EPSTI1: variants seen among roughly 807,000 people sequenced by gnomAD.
EPSTI1 encodes the protein epithelial stromal interaction 1, also known as epithelial-stromal interaction protein 1.
EPSTI1 carries 66 observed loss-of-function variants against 49.9 expected under a neutral mutation model. The ratio of observed to expected loss-of-function variants is 1.32; its 90% confidence interval spans 1.08 to 1.62. EPSTI1 has a LOEUF of 1.62. Among genes scored for constraint, EPSTI1 ranks in the 40% most tolerant of loss-of-function variants. The pLI, the probability that EPSTI1 is intolerant of heterozygous loss-of-function variation, is 0.00. For missense variants in EPSTI1, 394 were observed against 365.5 expected (o/e 1.08, Z -0.64); for synonymous variants, 137 against 130.7 (o/e 1.05, Z -0.33).
chr13:42,938,608 A>G (rs2038642270), intron 6 of EPSTI1, among the ~76,000 whole-genome samples: 1 of 152,034 alleles, frequency 6.6e-6, no homozygotes, highest in Non-Finnish European at 1.5e-5. Flanking sequence ...AGGCCGTTTC[A>G]TCTACATTAA....
intron 5 of EPSTI1, among the ~76,000 whole-genome samples, chr13:42,960,330 T>C (rs1404095220): frequency 6.6e-6 from 1 of 152,056 alleles, no homozygotes; most frequent in Non-Finnish European, 1.5e-5. Context: ...GGGGGGAAAA[T>C]GTGATTTACT....
At chr13:42,941,139 C>G (rs932173872) in intron 6 of EPSTI1, among the ~76,000 whole-genome samples, 4 of 152,168 alleles carry the variant, frequency 2.6e-5, no homozygotes, top group South Asian at 4.1e-4. Flanking sequence ...TTTCTACCCT[C>G]AAAGTATAAA....
intron 1 of EPSTI1, among the ~76,000 whole-genome samples, chr13:42,974,106 C>T (rs1161402785): frequency 2.0e-5 from 3 of 151,786 alleles, no homozygotes; most frequent in African/African-American, 4.8e-5. Flanking sequence ...GGGGCTGAGG[C>T]GGGTGGATCA....
At chr13:42,928,979 G>T (rs570860442) in intron 6 of EPSTI1, among the ~76,000 whole-genome samples, 1 of 152,262 alleles carries the variant, frequency 6.6e-6, no homozygotes, top group East Asian at 1.9e-4. Context: ...TATCAGTTTT[G>T]GTTCCTAAAT....
intron 4 of EPSTI1, 78 bp downstream of exon 4, chr13:42,963,988 G>C: frequency 7.9e-7 from 1 of 1,268,046 alleles, no homozygotes; most frequent in South Asian, 1.4e-5. Context: ...TAAAGTTACT[G>C]TGTTATTTCA....
At chr13:42,921,564 T>C (rs1424134237) in intron 7 of EPSTI1, among the ~76,000 whole-genome samples, 2 of 152,128 alleles carry the variant, frequency 1.3e-5, no homozygotes, top group African/African-American at 2.4e-5. Flanking sequence ...GAACCCAACA[T>C]GGGAAGGCAA....
rs145681351 is a variant in EPSTI1 at position 42,910,683 on chromosome 13, G to C, written c.741+6858C>G. On this transcript the variant is annotated intron_variant, in intron 8 of 10. Transcript: ENST00000313624. ...AATTAGAAAAGCTCTTTTATTTTTA[G>C]TTTTATCAAGTTGGTTAAAAAATAT... 2.0e-5 allele frequency among the ~76,000 whole-genome samples: 3 copies of C among 152,174 alleles called. No homozygotes were observed. The East Asian group carries it at 5.8e-4, about 29-fold the overall frequency.
At chr13:42,946,259 C>T (rs947418139) in intron 6 of EPSTI1, among the ~76,000 whole-genome samples, 1 of 152,152 alleles carries the variant, frequency 6.6e-6, no homozygotes, top group Non-Finnish European at 1.5e-5. Flanking sequence ...AAAGAAGATG[C>T]ATGGTTTCAA....
At chr13:42,939,643 C>G (rs2038687649) in intron 6 of EPSTI1, among the ~76,000 whole-genome samples, 1 of 151,980 alleles carries the variant, frequency 6.6e-6, no homozygotes. Flanking sequence ...TGTGGGTCCC[C>G]AAAACAATTA....
chr13:42,968,941 C>CAA (rs2039693326), intron 3 of EPSTI1, among the ~76,000 whole-genome samples, 153 bp downstream of exon 3: 1 of 130,160 alleles, frequency 7.7e-6, no homozygotes, highest in Non-Finnish European at 1.6e-5. Context: ...CACACACACA[C>CAA]ACACACACAC....
At chr13:42,986,905 G>T (rs1457936606) in intron 1 of EPSTI1, among the ~76,000 whole-genome samples, 1 of 152,046 alleles carries the variant, frequency 6.6e-6, no homozygotes. Flanking sequence ...AGGTTTGGGG[G>T]TCTTCCAGGT....
chr13:42,989,567 CTT>C, intron 1 of EPSTI1, among the ~76,000 whole-genome samples: 3 of 79,000 alleles, frequency 3.8e-5, no homozygotes, highest in Non-Finnish European at 5.0e-5. Context: ...CCTCTTTTTT[CTT>C]TTTTTTTTTT....
chr13:42,895,154 G>T, intron 9 of EPSTI1, 46 bp from the exon 10 acceptor site: 1 of 1,446,856 alleles, frequency 6.9e-7, no homozygotes, highest in African/African-American at 1.4e-5. Context: ...CTTGCTGCAG[G>T]GCTGAGAGAT....
intron 5 of EPSTI1, among the ~76,000 whole-genome samples, chr13:42,957,373 A>G (rs1249931215): frequency 6.6e-6 from 1 of 152,230 alleles, no homozygotes; most frequent in Admixed American, 6.5e-5. Flanking sequence ...ATCAGTACAA[A>G]CAATAACTAG....
In EPSTI1 at chr13:42,989,567, C is replaced by CTTTTTTTTTTTTTTTTTTTTTTTT; in HGVS notation, c.188+2410_188+2411insAAAAAAAAAAAAAAAAAAAAAAAA. ...ATTAAAGCACTTTATCCTCTTTTTTCTTTTTTTTTTTTTTTTGCTTTTTGT... is the reference window on the plus strand; with the variant it reads ...ATTAAAGCACTTTATCCTCTTTTTTCTTTTTTTTTTTTTTTTTTTTTTTTTTTTTTTTTTTTTTTTGCTTTTTGT... On this transcript the variant is annotated intron_variant, in intron 1 of 10. Transcript: ENST00000313624. Among the ~76,000 whole-genome samples, 12 of 79,002 alleles carry CTTTTTTTTTTTTTTTTTTTTTTTT rather than the reference C, an allele frequency of 1.5e-4. 2 individuals are homozygous for CTTTTTTTTTTTTTTTTTTTTTTTT. The highest frequency in any genetic ancestry group is 3.6e-4 in the East Asian group (1 of 2,786). The allele number at this position is 79,002 out of a possible 152,430, so 51.8% of individuals were successfully genotyped here.
chr13:42,977,177 C>T (rs1394111671), intron 1 of EPSTI1, among the ~76,000 whole-genome samples: 1 of 152,228 alleles, frequency 6.6e-6, no homozygotes, highest in Non-Finnish European at 1.5e-5. Context: ...TACATTTAAA[C>T]TTTTCTTCCT....
intron 1 of EPSTI1, among the ~76,000 whole-genome samples, chr13:42,980,477 T>C (rs912208701): frequency 6.6e-6 from 1 of 152,162 alleles, no homozygotes; most frequent in Non-Finnish European, 1.5e-5. Context: ...CAAAGGCACA[T>C]CTTACATGGT....
chr13:42,931,029 C>A (rs1470588634), intron 6 of EPSTI1, among the ~76,000 whole-genome samples: 1 of 152,146 alleles, frequency 6.6e-6, no homozygotes. Context: ...TGCATTCTGG[C>A]CAATGAAATG....
chr13:42,943,092 T>C (rs2038811671), intron 6 of EPSTI1, among the ~76,000 whole-genome samples: 1 of 152,228 alleles, frequency 6.6e-6, no homozygotes, highest in South Asian at 2.1e-4. Flanking sequence ...CTTTCTTGGA[T>C]TTACTACTTG....
Sources: allele counts gnomAD v4.1 joint callset (sites outside exome capture counted in the v4.1 genomes callset), GRCh38; gene constraint gnomAD v4.1.1; transcripts MANE v1.5; gene names NCBI Gene and HGNC (gene_info 2026-07-23, HGNC 2026-07-21).